NAV1: variants seen among roughly 807,000 people sequenced by gnomAD.
The protein encoded by NAV1 is neuron navigator 1.
NAV1 carries 18 observed loss-of-function variants against 175.2 expected under a neutral mutation model. That is an observed-to-expected ratio of 0.10 (90% CI 0.07 to 0.15). The LOEUF (loss-of-function observed/expected upper bound fraction) is 0.15. NAV1 is among the 10% of genes least tolerant of loss of function. The pLI, the probability that NAV1 is intolerant of heterozygous loss-of-function variation, is 1.00. For missense variants in NAV1, 1,731 were observed against 2,436.6 expected (o/e 0.71, Z 6.10); for synonymous variants, 897 against 978.7 (o/e 0.92, Z 1.56).
At chr1:201,546,404 G>T (rs915205065) in intron 1 of NAV1, among the ~76,000 whole-genome samples, 3 of 152,210 alleles carry the variant, frequency 2.0e-5, no homozygotes, top group African/African-American at 7.2e-5. Flanking sequence ...TTCCCAGGGG[G>T]AGGGGAAAGG....
chr1:201,759,032 G>A (rs1207584900), intron 3 of NAV1, among the ~76,000 whole-genome samples: 1 of 152,184 alleles, frequency 6.6e-6, no homozygotes. Flanking sequence ...ATACATGTAT[G>A]TTAAGTGCCC....
Position 201,720,205 on chromosome 1 carries a change from C to T in NAV1, c.1226+1450C>T, listed in dbSNP as rs569546072. 1.6e-4 allele frequency among the ~76,000 whole-genome samples: 24 copies of T among 152,218 alleles called. No individual in the cohort carries two copies. In the East Asian group the frequency reaches 3.7e-3, roughly 23 times the overall value. ...GGAGCTGCTCCACACAGCCTCTGCC[C>T]TAGGAAGCTGCCAGGGACTGCCTGA... On this transcript the variant is annotated intron_variant, in intron 3 of 29. Transcript: ENST00000367296.
At chr1:201,679,048 TG>T (rs556642635) in intron 1 of NAV1, among the ~76,000 whole-genome samples, 1 of 150,744 alleles carries the variant, frequency 6.6e-6, no homozygotes, top group Admixed American at 6.6e-5. Context: ...GGCTATTTAC[TG>T]GGGGGGAGAC....
rs1005641588 is a variant in NAV1, at chr1:201,812,088, T to G, written c.5024+114T>G. On this transcript the variant is annotated intron_variant, in intron 26 of 29. Coordinates refer to ENST00000367296, the Ensembl canonical transcript of NAV1. This position sits in a 1 kb window ranked among gnomAD's most constrained non-coding sequence, Gnocchi z 4.6. ...GGAAAGAGAAGTATCCAGAGCTTTT[T>G]GGGCTGGAAATAGAAAGTAGATGTA... 1.9e-6 allele frequency: 2 copies of G among 1,046,952 alleles called. No homozygotes were observed. The highest frequency in any genetic ancestry group is 1.6e-5 in the African/African-American group (1 of 62,950). 64.9% of individuals were successfully genotyped at this position (1,046,952 alleles called of 1,614,324 possible).
At position 201,661,033 on chromosome 1, in the gene NAV1, A is replaced by G. The variant is rs535438446; in HGVS notation, c.757+11608A>G. Among the ~76,000 whole-genome samples, 3 of 152,316 alleles carry G rather than the reference A, an allele frequency of 2.0e-5. No individual in the cohort carries two copies. In the East Asian group the frequency reaches 5.8e-4, roughly 29 times the overall value. ...TGTTATATAAGATTTAGGTATAAGG[A>G]AGCTTAAGGAAGCCTAAAGGAGGCT... On this transcript the variant is annotated intron_variant, in intron 1 of 29. Transcript: ENST00000367296.
intron 2 of NAV1, among the ~76,000 whole-genome samples, chr1:201,604,672 C>T (rs1417052936): frequency 4.2e-5 from 5 of 119,784 alleles, no homozygotes; most frequent in Non-Finnish European, 1.6e-5. Flanking sequence ...AAGAGCAAGA[C>T]TCTGTCAGAA....
At chr1:201,723,116 AAG>A (rs765701378) in intron 3 of NAV1, among the ~76,000 whole-genome samples, 1 of 152,240 alleles carries the variant, frequency 6.6e-6, no homozygotes, top group East Asian at 1.9e-4. Context: ...AACTCAAAAA[AAG>A]AAAAAACCCA....
intron 2 of NAV1, among the ~76,000 whole-genome samples, chr1:201,604,824 A>G (rs1189165246): frequency 1.3e-5 from 2 of 152,130 alleles, no homozygotes; most frequent in African/African-American, 2.4e-5. Context: ...AGCTCAAAGA[A>G]ATTATACCAC....
At chr1:201,769,578 T>A (rs1211157713) in intron 3 of NAV1, among the ~76,000 whole-genome samples, 2 of 152,218 alleles carry the variant, frequency 1.3e-5, no homozygotes, top group African/African-American at 4.8e-5. Context: ...GGGATTTGTT[T>A]CCATGAAGTA....
At chr1:201,595,662 G>A (rs1465815837) in intron 2 of NAV1, among the ~76,000 whole-genome samples, 1 of 152,250 alleles carries the variant, frequency 6.6e-6, no homozygotes, top group Non-Finnish European at 1.5e-5. Context: ...AGTGGGCTGG[G>A]TCTGGGAATT....
exon 30 of NAV1, chr1:201,823,334 T>C (rs1679491065): frequency 1.3e-5 from 2 of 152,310 alleles, no homozygotes; most frequent in South Asian, 2.1e-4. Context: ...TACTAGGTCA[T>C]TGGAGGCTAA....
At chr1:201,714,471 G>C (rs1359881894) in intron 2 of NAV1, among the ~76,000 whole-genome samples, 1 of 152,114 alleles carries the variant, frequency 6.6e-6, no homozygotes, top group African/African-American at 2.4e-5. Flanking sequence ...GATTACCTCT[G>C]CTCAGGCCAG....
At chr1:201,702,976 G>A (rs1300881029) in intron 1 of NAV1, among the ~76,000 whole-genome samples, 1 of 152,200 alleles carries the variant, frequency 6.6e-6, no homozygotes, top group Non-Finnish European at 1.5e-5. Context: ...ACCCAGCCCT[G>A]TAGAAGAGTT....
chr1:201,781,338 G>A (rs1278520834), intron 5 of NAV1, 29 bp downstream of exon 9: 2 of 1,561,574 alleles, frequency 1.3e-6, no homozygotes, highest in South Asian at 1.2e-5. Context: ...AAGGTACAAG[G>A]GCAAAGACCT....
chr1:201,802,305 CA>C (rs34854602), intron 15 of NAV1, among the ~76,000 whole-genome samples: 14,612 of 39,884 alleles, frequency 0.37, 950 homozygotes, highest in Middle Eastern at 0.47. Flanking sequence ...AACACCTTCT[CA>C]AAAAAAAAAA....
At chr1:201,541,666 C>T (rs1350758696) in intron 1 of NAV1, among the ~76,000 whole-genome samples, 1 of 152,144 alleles carries the variant, frequency 6.6e-6, no homozygotes, top group Non-Finnish European at 1.5e-5. Context: ...CCCAGCTACT[C>T]GTGAGGCTGA....
Position 201,555,454 on chromosome 1 carries a change from T to C in NAV1, c.-144+16112T>C, listed in dbSNP as rs147800572. Among the ~76,000 whole-genome samples the C allele has an allele frequency of 7.0e-4, 106 of 152,322 alleles. 1 individual carries two copies. Among genetic ancestry groups the C allele is most frequent in the Middle Eastern group, 3.4e-3 (1 of 294 alleles). ...CCACAACTCCTTGACTCTGAAGCTC[T>C]GAGGTTTTGAGTCTGGGGGCCTGGG... On this transcript the variant is annotated intron_variant, in intron 1 of 33. Transcript: ENST00000685211.
intron 5 of NAV1, among the ~76,000 whole-genome samples, chr1:201,781,674 G>A (rs1225658227): frequency 6.6e-6 from 1 of 152,082 alleles, no homozygotes; most frequent in Non-Finnish European, 1.5e-5. Context: ...TATTTTCATA[G>A]GATACAGCTT....
chr1:201,552,437 G>A (rs1488629426), intron 1 of NAV1, among the ~76,000 whole-genome samples: 5 of 152,158 alleles, frequency 3.3e-5, no homozygotes, highest in Non-Finnish European at 5.9e-5. Context: ...CGCTGAAGGT[G>A]CTGAATTTCC....
Sources: gnomAD v4.1 joint callset for allele counts (sites outside exome capture counted in the v4.1 genomes callset) on GRCh38, gnomAD v4.1.1 for gene constraint, Gnocchi (gnomAD v3.1) non-coding constraint, MANE v1.5 for transcripts, NCBI Gene and HGNC (gene_info 2026-07-23, HGNC 2026-07-21) for gene names.